Variants in CLSTN3 observed in about 807,000 individuals in gnomAD.
CLSTN3 encodes calsyntenin 3, also known as calsyntenin-3.
In CLSTN3, 36 loss-of-function variants were observed where a neutral mutation model predicts 95.9. The ratio of observed to expected loss-of-function variants is 0.38; its 90% CI spans 0.29 to 0.50. CLSTN3 has a LOEUF of 0.50. Ranked by LOEUF, CLSTN3 falls within the 20% of genes least tolerant of loss-of-function variation. The pLI is 0.95. For synonymous variants in CLSTN3, 481 were observed against 504.0 expected (o/e 0.95, Z 0.61); for missense variants, 1,084 against 1,268.8 (o/e 0.85, Z 2.21).
chr12:7,149,266 G>A lies in CLSTN3; in HGVS notation c.2074+68G>A. 1 of 1,281,630 alleles carries A rather than the reference G, an allele frequency of 7.8e-7. No homozygotes were observed. 79.4% of individuals were successfully genotyped at this position (1,281,630 alleles called of 1,614,324 possible). A position where few individuals can be genotyped will look rare whatever the true frequency, so the allele number is the denominator to read the frequency against. The stretch of plus-strand genomic sequence containing the variant: ...CAGTGTCTGGAGTCAGAGTGTGGGA[G>A]AACTCCTGGGGCTGGAAGCAGAAAG... On this transcript the variant is annotated intron_variant, in intron 13 of 17. Coordinates refer to ENST00000266546, the MANE Select transcript of CLSTN3 (RefSeq NM_014718.4). This position sits in a 1 kb window ranked among gnomAD's most constrained non-coding sequence, Gnocchi z 4.5.
intron 12 of CLSTN3, among the ~76,000 whole-genome samples, chr12:7,143,735 A>G (rs777688596): frequency 1.3e-4 from 20 of 152,300 alleles, no homozygotes; most frequent in Non-Finnish European, 2.5e-4. Flanking sequence ...AGCTCTTGCA[A>G]GGTCACGTAC....
intron 6 of CLSTN3, 83 bp from the exon 7 acceptor site, chr12:7,136,746 A>C: frequency 6.8e-7 from 1 of 1,473,574 alleles, no homozygotes; most frequent in South Asian, 1.2e-5. Context: ...TTTTCCCATC[A>C]GTCCCTCTTT....
chr12:7,131,050 G>A (rs3759416), intron 1 of CLSTN3: 60,951 of 453,354 alleles, frequency 0.13, 5,636 homozygotes, highest in East Asian at 0.42. Context: ...GACTGCCCCC[G>A]AGCCGGTGAT....
rs1939675984 is a variant in CLSTN3, at chr12:7,149,066, A to C, written c.1942A>C (p.Thr648Pro). The C allele has an allele frequency of 6.2e-7, 1 of 1,614,106 alleles. No individual in the cohort carries two copies. The highest frequency in any genetic ancestry group is 8.5e-7 in the Non-Finnish European group (1 of 1,180,048). ...PDAPQILLSG[T>P]AHFARPAVDF... ...CGCCCCCCAGATCCTGCTGAGTGGC[A>C]CTGCTCATTTTGCCCGCCCAGCTGT... The change falls in exon 13 of 18, where the codon ACT (threonine) becomes CCT (proline). Residue 648 changes from threonine to proline, a missense_variant. By Grantham distance (38) the Thr-to-Pro change is conservative. Coordinates refer to ENST00000266546, the MANE Select transcript of CLSTN3 (RefSeq NM_014718.4). This position sits in a 1 kb window ranked among gnomAD's most constrained non-coding sequence, Gnocchi z 4.5.
chr12:7,137,113 G>A lies in CLSTN3; in HGVS notation c.1210+3G>A, dbSNP rs754903769. 3 of 1,599,856 alleles carry A rather than the reference G, an allele frequency of 1.9e-6. No homozygotes were observed. Among genetic ancestry groups the A allele is most frequent in the South Asian group, 2.2e-5 (2 of 90,758 alleles). On this transcript the variant is annotated splice_donor_region_variant and intron_variant, in intron 7 of 17. Coordinates refer to ENST00000266546, the MANE Select transcript of CLSTN3 (RefSeq NM_014718.4). This position sits in a 1 kb window ranked among gnomAD's most constrained non-coding sequence, Gnocchi z 4.4. ...CGTATGTAACACTGTCCAGAATGGT[G>A]AGCCTCCCCTCCAGGCACTAGCCAG... is the stretch of plus-strand genomic sequence containing the variant.
intron 12 of CLSTN3, among the ~76,000 whole-genome samples, chr12:7,148,183 A>AGAAG (rs1939657776): frequency 8.2e-6 from 1 of 122,508 alleles, no homozygotes; most frequent in Admixed American, 7.4e-5. Context: ...AAAGAAAGAA[A>AGAAG]GAAAGAAAGA....
chr12:7,132,652 C>T (rs1249735547), intron 1 of CLSTN3: 1 of 523,008 alleles, frequency 1.9e-6, no homozygotes, highest in African/African-American at 1.9e-5. Flanking sequence ...GGCCTTCTCA[C>T]AGCCCACCAC....
rs751355927 is a variant in CLSTN3, at chr12:7,157,590, G to A, written c.2629G>A (p.Val877Ile). The A allele has an allele frequency of 1.2e-5, 19 of 1,613,472 alleles. No individual in the cohort carries two copies. Among genetic ancestry groups the A allele is most frequent in the South Asian group, 6.6e-5 (6 of 90,946 alleles). Residue 877 changes from valine to isoleucine, a missense_variant, in exon 17 of 18, where the codon GTC becomes ATC. Val to Ile is a conservative substitution (Grantham distance 29). Transcript: ENST00000266546. The surrounding 1 kb of genome is among the most constrained non-coding windows in gnomAD (Gnocchi z 5.9). ...GCGCATCCATTCCCTTCACCGCCGC[G>A]TCTCAGGGGCCGGCGGGCCTCCAGG... The part of the protein sequence containing the change: ...LVRIHSLHRR[V>I]SGAGGPPGAS...
chr12:7,154,183 C>T (rs191767706), intron 16 of CLSTN3, among the ~76,000 whole-genome samples: 5 of 152,334 alleles, frequency 3.3e-5, no homozygotes, highest in East Asian at 3.9e-4. Flanking sequence ...TTTCTGACTC[C>T]GCAAGGTGCT....
In CLSTN3 at chr12:7,135,505, C is replaced by A. The variant is rs370600730; in HGVS notation, c.562C>A (p.Pro188Thr). ...GATCTGCTACTATGAGATTCTCACA[C>A]CCAACACCCCTTTCCTCATTGACAA... is the stretch of plus-strand genomic sequence containing the variant. ...SQICYYEILT[P>T]NTPFLIDNDG... The change falls in exon 4 of 18, where the codon CCC becomes ACC. Residue 188 changes from proline to threonine, a missense_variant. Transcript: ENST00000266546. 2.5e-5 allele frequency: 41 copies of A among 1,614,024 alleles called. 1 individual carries two copies. The highest frequency in any genetic ancestry group is 2.5e-4 in the African/African-American group (19 of 74,900).
chr12:7,131,744 C>CGCCTCCTA (rs4013721), intron 1 of CLSTN3: 77,256 of 455,032 alleles, frequency 0.17, 7,933 homozygotes, highest in East Asian at 0.41. Flanking sequence ...ACCTCAGCCT[C>CGCCTCCTA]GCCTCCTAGC....
Position 7,149,126 on chromosome 12 carries a change from C to T in CLSTN3, c.2002C>T (p.Pro668Ser). Residue 668 changes from proline (P) to serine (S), a missense_variant, in exon 13 of 18, where the codon CCT (proline) becomes TCT (serine). Coordinates refer to ENST00000266546, the MANE Select transcript of CLSTN3 (RefSeq NM_014718.4). The surrounding 1 kb of genome is among the most constrained non-coding windows in gnomAD (Gnocchi z 4.5). ...GGGAACCAACGGCGTCCCTTTGTTC[C>T]CTGATCTTCAAATCACCTGCTCCAT... ...FEGTNGVPLF[P>S]DLQITCSISH... 1.2e-6 allele frequency: 2 copies of T among 1,614,156 alleles called. No homozygotes were observed. The highest frequency in any genetic ancestry group is 1.7e-6 in the Non-Finnish European group (2 of 1,180,028).
At position 7,136,929 on chromosome 12, in the gene CLSTN3, C is replaced by CTACT; in HGVS notation, c.1030_1033dup (p.Trp345LeufsTer29). 1 of 1,614,204 alleles carries CTACT rather than the reference C, an allele frequency of 6.2e-7. No homozygotes were observed. Among genetic ancestry groups the CTACT allele is most frequent in the Non-Finnish European group, 8.5e-7 (1 of 1,180,024 alleles). ...ACTACAGCCAGGACAGCAGCCTGAT[C>CTACT]TACTGGTTCAATGGCACCCAGGCTG... On this transcript the variant is annotated frameshift_variant, in exon 7 of 18. Coordinates refer to ENST00000266546, the MANE Select transcript of CLSTN3 (RefSeq NM_014718.4). LOFTEE classifies it high-confidence loss of function.
rs754037443 is a variant in CLSTN3 at position 7,136,923 on chromosome 12, C to A, written c.1023C>A (p.Ser341Arg). The part of the protein sequence containing the change: ...GLSVHYSQDS[S>R]LIYWFNGTQA... ...CGGTGCACTACAGCCAGGACAGCAG[C>A]CTGATCTACTGGTTCAATGGCACCC... The change falls in exon 7 of 18, where the codon AGC becomes AGA. Residue 341 changes from serine (S) to arginine (R), a missense_variant. By Grantham distance (110) the Ser-to-Arg change is moderately radical. Coordinates refer to ENST00000266546, the MANE Select transcript of CLSTN3 (RefSeq NM_014718.4). The A allele has an allele frequency of 6.2e-7, 1 of 1,614,186 alleles. No homozygotes were observed. The highest frequency in any genetic ancestry group is 8.5e-7 in the Non-Finnish European group (1 of 1,180,026).
chr12:7,141,526 A>G lies in CLSTN3; in HGVS notation c.1486+122A>G. On this transcript the variant is annotated intron_variant, in intron 9 of 17. Coordinates refer to ENST00000266546, the MANE Select transcript of CLSTN3 (RefSeq NM_014718.4). This position sits in a 1 kb window ranked among gnomAD's most constrained non-coding sequence, Gnocchi z 4.1. ...CTCCTGCATCTCTCTGCAGCTGTGC[A>G]GGGTGACTCTGAAGATCTCCATGGG... 1 of 1,037,950 alleles carries G rather than the reference A, an allele frequency of 9.6e-7. No homozygotes were observed. Among genetic ancestry groups the G allele is most frequent in the South Asian group, 1.3e-5 (1 of 75,052 alleles). The allele number at this position is 1,037,950 out of a possible 1,614,324, so 64.3% of individuals were successfully genotyped here. A position where few individuals can be genotyped will look rare whatever the true frequency, so the allele number is the denominator to read the frequency against.
At chr12:7,139,077 A>G (rs1939482410) in intron 8 of CLSTN3, among the ~76,000 whole-genome samples, 1 of 152,218 alleles carries the variant, frequency 6.6e-6, no homozygotes, top group South Asian at 2.1e-4. Flanking sequence ...AAATACAACT[A>G]AGTCTCTGTC....
chr12:7,148,380 C>T (rs921089131), intron 12 of CLSTN3, among the ~76,000 whole-genome samples: 4 of 152,104 alleles, frequency 2.6e-5, no homozygotes, highest in East Asian at 1.9e-4. Context: ...TGTCCTGATG[C>T]CTGGATCCTC....
At position 7,133,760 on chromosome 12, in the gene CLSTN3, G is replaced by A. The variant is rs986446485; in HGVS notation, c.375G>A (p.Lys125=). 6.4e-7 allele frequency: 1 copy of A among 1,568,208 alleles called. No homozygotes were observed. The highest frequency in any genetic ancestry group is 8.6e-7 in the Non-Finnish European group (1 of 1,160,926). Reference sequence around the variant, plus strand: ...GCCCCGACGGGGCCAACACCAAGAAGTCCCACAAGTGAGGAAGTCCTTGTC... The same window carrying A: ...GCCCCGACGGGGCCAACACCAAGAAATCCCACAAGTGAGGAAGTCCTTGTC... The part of the protein sequence containing the change: ...GEGPDGANTK[K]SHKATVHVRV... Residue 125 remains lysine, a synonymous_variant, in exon 3 of 18, where the codon AAG becomes AAA. Coordinates refer to ENST00000266546, the MANE Select transcript of CLSTN3 (RefSeq NM_014718.4). The surrounding 1 kb of genome is among the most constrained non-coding windows in gnomAD (Gnocchi z 4.7).
intron 8 of CLSTN3, 146 bp downstream of exon 8, chr12:7,138,213 C>G (rs1214761320): frequency 3.6e-6 from 2 of 560,028 alleles, no homozygotes; most frequent in South Asian, 4.5e-5. Flanking sequence ...CCATTCTACT[C>G]CCAGGTCCTC....
Sources: allele counts gnomAD v4.1 joint callset (sites outside exome capture counted in the v4.1 genomes callset), GRCh38; gene constraint gnomAD v4.1.1; non-coding constraint Gnocchi (gnomAD v3.1); transcripts MANE v1.5; gene names NCBI Gene and HGNC (gene_info 2026-07-23, HGNC 2026-07-21).